AKAP9: variants seen among roughly 807,000 people sequenced by gnomAD.
The protein encoded by AKAP9 is A-kinase anchor protein 9.
A neutral mutation model predicts 488.5 loss-of-function variants in AKAP9; 311 were observed. That is an observed-to-expected ratio of 0.64 (90% confidence interval 0.58 to 0.70). AKAP9 has a LOEUF of 0.70. Among genes scored for constraint, AKAP9 ranks in the 30% least tolerant of loss-of-function variants. The pLI, the probability that AKAP9 is intolerant of heterozygous loss-of-function variation, is 0.00. For synonymous variants in AKAP9, 1,462 were observed against 1,483.5 expected, an observed-to-expected ratio of 0.99 and a Z score of 0.33; for missense variants, 4,215 against 4,374.5, an observed-to-expected ratio of 0.96 and a Z score of 1.03.
intron 5 of AKAP9, among the ~76,000 whole-genome samples, chr7:91,993,258 G>T (rs1232990895): frequency 1.3e-5 from 2 of 148,688 alleles, no homozygotes; most frequent in Non-Finnish European, 3.0e-5. Flanking sequence ...GTGCAATCTC[G>T]GCCCACTGCA....
intron 14 of AKAP9, 26 bp from the exon 15 acceptor site, chr7:92,029,869 C>T: frequency 1.9e-6 from 3 of 1,569,198 alleles, no homozygotes; most frequent in Non-Finnish European, 2.6e-6. Context: ...AACTCTAATT[C>T]TTTAACCTTT....
chr7:92,070,096 G>A lies in AKAP9; in HGVS notation c.6397G>A (p.Glu2133Lys), dbSNP rs1490765062. The A allele has an allele frequency of 1.9e-6, 3 of 1,614,014 alleles. No individual in the cohort carries two copies. The highest frequency in any genetic ancestry group is 2.5e-6 in the Non-Finnish European group (3 of 1,179,988). The change falls in exon 27 of 50, where the codon GAG becomes AAG. Residue 2133 changes from glutamate to lysine, a missense_variant. Around this residue, in one of 5 missense-constraint regions of AKAP9, gnomAD observed 2,361 missense variants for 2,430.0 expected, o/e 0.97. Transcript: ENST00000356239. Reference protein sequence around the residue: ...DKCSELLLSKEQLQRDIQERN... With the variant: ...DKCSELLLSKKQLQRDIQERN... ...ATGCAGTGAGCTTTTGCTCTCTAAA[G>A]AGCAGCTTCAAAGGGATATACAAGA...
Position 92,079,416 on chromosome 7 carries a change from A to T in AKAP9, c.7283A>T (p.Gln2428Leu), listed in dbSNP as rs763007565. 67 of 1,614,010 alleles carry T rather than the reference A, an allele frequency of 4.2e-5. No homozygotes were observed. Among genetic ancestry groups the T allele is most frequent in the Non-Finnish European group, 4.4e-5 (52 of 1,179,998 alleles). ...AATTTTAAAATGAATCAGCTAACAC[A>T]GGAATTATTCAGCTTAAAGAGAGAA... ...ETNFKMNQLT[Q>L]ELFSLKRERE... is the part of the protein sequence containing the mutation. Residue 2428 changes from glutamine (Q) to leucine (L), a missense_variant, in exon 31 of 50, where the codon CAG (glutamine) becomes CTG (leucine). Coordinates refer to ENST00000356239, the MANE Select transcript of AKAP9 (RefSeq NM_005751.5).
intron 7 of AKAP9, among the ~76,000 whole-genome samples, chr7:91,997,078 A>G (rs1798491328): frequency 6.6e-6 from 1 of 152,242 alleles, no homozygotes; most frequent in South Asian, 2.1e-4. Context: ...CTTTTAAATA[A>G]TAGGGAATGT....
intron 24 of AKAP9, among the ~76,000 whole-genome samples, chr7:92,064,636 C>T (rs1393024482): frequency 1.3e-5 from 2 of 152,186 alleles, no homozygotes. Flanking sequence ...TCATACATGT[C>T]AGTTTTCCCT....
At chr7:91,976,459 G>T (rs1795706556) in intron 2 of AKAP9, among the ~76,000 whole-genome samples, 1 of 152,190 alleles carries the variant, frequency 6.6e-6, no homozygotes, top group Non-Finnish European at 1.5e-5. Flanking sequence ...CTGGATTCAA[G>T]TGATCTGCCT....
At chr7:92,014,782 T>C (rs1306428923) in intron 10 of AKAP9, among the ~76,000 whole-genome samples, 2 of 152,238 alleles carry the variant, frequency 1.3e-5, no homozygotes, top group Non-Finnish European at 2.9e-5. Flanking sequence ...AGTTTTTAAC[T>C]TAAAATGAGC....
At chr7:91,995,110 A>G (rs755743935) in intron 6 of AKAP9, among the ~76,000 whole-genome samples, 6 of 152,178 alleles carry the variant, frequency 3.9e-5, no homozygotes, top group Non-Finnish European at 8.8e-5. Context: ...TTAGGTTCTA[A>G]ATGATAACAA....
At chr7:91,966,610 A>G (rs1408895689) in intron 1 of AKAP9, among the ~76,000 whole-genome samples, 1 of 152,152 alleles carries the variant, frequency 6.6e-6, no homozygotes, top group Admixed American at 6.5e-5. Context: ...TGGATGTTGT[A>G]TATTCTTGGC....
intron 22 of AKAP9, among the ~76,000 whole-genome samples, chr7:92,058,748 T>C (rs1236619340): frequency 6.6e-6 from 1 of 152,052 alleles, no homozygotes; most frequent in Non-Finnish European, 1.5e-5. Flanking sequence ...GGTATTATGA[T>C]ACTTATAAGA....
At chr7:92,026,590 C>T (rs2130741440) in intron 14 of AKAP9, among the ~76,000 whole-genome samples, 1 of 152,342 alleles carries the variant, frequency 6.6e-6, no homozygotes, top group South Asian at 2.1e-4. Flanking sequence ...CCGCCTCGGC[C>T]TCCCGAGGTG....
chr7:91,956,138 C>T (rs1024815300), intron 1 of AKAP9, among the ~76,000 whole-genome samples: 17 of 151,822 alleles, frequency 1.1e-4, no homozygotes, highest in African/African-American at 3.1e-4. Context: ...CGGTGGCTCA[C>T]GTCTGTGGTC....
At chr7:92,068,519 A>G (rs192848825) in intron 26 of AKAP9, among the ~76,000 whole-genome samples, 3 of 152,058 alleles carry the variant, frequency 2.0e-5, no homozygotes, top group African/African-American at 4.8e-5. Flanking sequence ...ATCTCCTATT[A>G]TGTAGTTTTC....
intron 39 of AKAP9, among the ~76,000 whole-genome samples, chr7:92,094,702 G>A (rs568073461): frequency 1.2e-3 from 172 of 148,544 alleles, no homozygotes; most frequent in Non-Finnish European, 3.6e-4. Context: ...GCGTGGTTGC[G>A]GGCACCTGTA....
chr7:92,069,381 T>A (rs2130839755), intron 26 of AKAP9, among the ~76,000 whole-genome samples: 1 of 152,316 alleles, frequency 6.6e-6, no homozygotes, highest in South Asian at 2.1e-4. Context: ...AAAGATTTTT[T>A]AAAGGATTAC....
intron 3 of AKAP9, among the ~76,000 whole-genome samples, chr7:91,983,794 C>T (rs180847107): frequency 1.3e-5 from 2 of 152,336 alleles, no homozygotes; most frequent in South Asian, 2.1e-4. Context: ...TCCTCTCCAG[C>T]ATCTGTTGTT....
At chr7:91,957,389 T>C (rs959717162) in intron 1 of AKAP9, among the ~76,000 whole-genome samples, 5 of 152,334 alleles carry the variant, frequency 3.3e-5, no homozygotes, top group African/African-American at 1.2e-4. Flanking sequence ...TTGCTGAGTT[T>C]AGCATAAAAG....
Position 92,002,220 on chromosome 7 carries a change from A to T in AKAP9, c.2303A>T (p.Glu768Val). 1 of 1,590,870 alleles carries T rather than the reference A, an allele frequency of 6.3e-7. No homozygotes were observed. ...AAGGAAAAAGAGAATGATCTTCAAG[A>T]AAAATTTGCACAACTTGAAGCAGAG... ...QMKEKENDLQ[E>V]KFAQLEAENS... The change falls in exon 8 of 50, where the codon GAA becomes GTA. Residue 768 changes from glutamate (E) to valine (V), a missense_variant. Glu to Val is a moderately radical substitution (Grantham distance 121). Around this residue, in one of 5 missense-constraint regions of AKAP9, gnomAD observed 2,361 missense variants for 2,430.0 expected, o/e 0.97. Coordinates refer to ENST00000356239, the MANE Select transcript of AKAP9 (RefSeq NM_005751.5).
rs199680174 is a variant in AKAP9, at chr7:92,077,067, T to TTTATTATTA, written c.6765+75_6765+83dup. 5.9e-4 allele frequency: 280 copies of TTTATTATTA among 471,996 alleles called. No individual in the cohort carries two copies. The African/African-American group carries it at 6.3e-3, about 11-fold the overall frequency. 29.2% of individuals were successfully genotyped at this position (471,996 alleles called of 1,614,324 possible). A position where few individuals can be genotyped will look rare whatever the true frequency, so the allele number is the denominator to read the frequency against. ...AGTCATAGTTTCAGTCCTATATTGCTTTATTATTATTATTATTATTATTTC... is the reference window on the plus strand; with the variant it reads ...AGTCATAGTTTCAGTCCTATATTGCTTTATTATTATTATTATTATTATTATTATTATTTC... On this transcript the variant is annotated intron_variant, in intron 29 of 49. Transcript: ENST00000356239.
Sources: allele counts gnomAD v4.1 joint callset (sites outside exome capture counted in the v4.1 genomes callset), GRCh38; gene constraint gnomAD v4.1.1; regional missense constraint gnomAD v4.1.1; transcripts MANE v1.5; gene names NCBI Gene and HGNC (gene_info 2026-07-23, HGNC 2026-07-21).